Variants in MAGOHB observed in about 807,000 individuals in gnomAD.
MAGOHB encodes the protein protein mago nashi homolog 2.
Under a neutral mutation model 20.9 loss-of-function variants are expected in MAGOHB, and 15 were observed. The observed-to-expected ratio is 0.72, with a 90% CI of 0.48 to 1.11. The LOEUF (loss-of-function observed/expected upper bound fraction) is 1.11, where lower values mean the gene tolerates loss of function less well. MAGOHB is among the 50% of genes least tolerant of loss of function. The probability of loss-of-function intolerance (pLI) is 0.00; values close to 1 mark genes in which losing one functional copy is unlikely to be tolerated. For synonymous variants in MAGOHB, 50 were observed against 57.9 expected, an observed-to-expected ratio of 0.86 and a Z score of 0.62; for missense variants, 162 against 177.6, an observed-to-expected ratio of 0.91 and a Z score of 0.50.
intron 1 of MAGOHB, among the ~76,000 whole-genome samples, chr12:10,612,191 ATAACATAACATAAC>A (rs1279000502): frequency 1.7e-4 from 2 of 11,724 alleles, no homozygotes; most frequent in Non-Finnish European, 5.5e-4. Flanking sequence ...TCTACAAAAA[ATAACATAACATAAC>A]ATAACATAAC....
At chr12:10,612,512 G>C (rs1364516069) in intron 1 of MAGOHB, 3 of 219,200 alleles carry the variant, frequency 1.4e-5, no homozygotes, top group African/African-American at 2.4e-5. Flanking sequence ...TTTTATTCTT[G>C]CTCTCACAGA....
Position 10,610,625 on chromosome 12 carries a change from T to C in MAGOHB, c.150A>G (p.Lys50=). ...SNYKNDVMIR[K]EAYVHKSVME... is the part of the protein sequence containing the mutation. Reference sequence around the variant, plus strand: ...AAGACATTCACATAGAACTTACCTCTTTTCTGATCATGACATCATTTTTGT... The same window carrying C: ...AAGACATTCACATAGAACTTACCTCCTTTCTGATCATGACATCATTTTTGT... The change falls in exon 2 of 5, where the codon AAA becomes AAG. Residue 50 remains lysine (K), a synonymous_variant. Transcript: ENST00000320756. 1 of 1,548,280 alleles carries C rather than the reference T, an allele frequency of 6.5e-7. No homozygotes were observed. The highest frequency in any genetic ancestry group is 2.4e-5 in the East Asian group (1 of 41,250).
At chr12:10,600,265 G>T (rs535574564), downstream of MAGOHB, among the ~76,000 whole-genome samples, 1 of 151,526 alleles carries the variant, frequency 6.6e-6, no homozygotes, top group South Asian at 2.1e-4. Flanking sequence ...TTATTTCAAA[G>T]AAATTCATCT....
intron 1 of MAGOHB, among the ~76,000 whole-genome samples, chr12:10,612,269 T>G (rs73259912): frequency 6.6e-6 from 1 of 151,462 alleles, no homozygotes; most frequent in South Asian, 2.1e-4. Flanking sequence ...TGAGGTGGCG[T>G]GGGCCTGTAT....
chr12:10,608,093 A>G (rs1488490451), intron 3 of MAGOHB, 157 bp from the exon 4 acceptor site: 7 of 543,242 alleles, frequency 1.3e-5, no homozygotes, highest in Non-Finnish European at 1.9e-5. Context: ...TTTCTTAGAT[A>G]TAAACTATAT....
intron 1 of MAGOHB, 86 bp downstream of exon 1, chr12:10,613,353 C>A: frequency 8.6e-7 from 1 of 1,166,482 alleles, no homozygotes; most frequent in Non-Finnish European, 1.3e-6. Context: ...GAAGCAGTGG[C>A]CTCCGCCGCC....
chr12:10,609,707 C>T, intron 3 of MAGOHB, 124 bp downstream of exon 3: 1 of 636,248 alleles, frequency 1.6e-6, no homozygotes, highest in Non-Finnish European at 2.7e-6. Flanking sequence ...AGAGAATTTA[C>T]CAGGTGCCTA....
At chr12:10,612,782 C>A in intron 1 of MAGOHB, 1 of 1,265,630 alleles carries the variant, frequency 7.9e-7, no homozygotes, top group Non-Finnish European at 1.0e-6. Flanking sequence ...TCAGAAAACA[C>A]ACTGTTGCAC....
At chr12:10,610,524 C>CTTCTTCT (rs1865706727) in intron 2 of MAGOHB, 98 bp downstream of exon 2, 5 of 1,319,810 alleles carry the variant, frequency 3.8e-6, no homozygotes, top group Non-Finnish European at 5.0e-6. Flanking sequence ...ACAATATAGC[C>CTTCTTCT]TTAGATGTAC....
chr12:10,609,953 T>A lies in MAGOHB; in HGVS notation c.154-12A>T. On this transcript the variant is annotated splice_polypyrimidine_tract_variant and intron_variant, in intron 2 of 4. Coordinates refer to ENST00000320756, the MANE Select transcript of MAGOHB (RefSeq NM_018048.5). Reference sequence around the variant, plus strand: ...TTGTGCACATAAGCCTAAAAATTAATCATAATAAAATGAGATAATGCCCAC... The same window carrying A: ...TTGTGCACATAAGCCTAAAAATTAAACATAATAAAATGAGATAATGCCCAC... The A allele has an allele frequency of 6.6e-7, 1 of 1,516,638 alleles. No homozygotes were observed. Among genetic ancestry groups the A allele is most frequent in the Non-Finnish European group, 9.0e-7 (1 of 1,106,098 alleles). The allele number at this position is 1,516,638 out of a possible 1,614,324, so 93.9% of individuals were successfully genotyped here.
At chr12:10,613,254 AT>A (rs962816953) in intron 1 of MAGOHB, among the ~76,000 whole-genome samples, 184 bp downstream of exon 1, 28 of 152,306 alleles carry the variant, frequency 1.8e-4, no homozygotes, top group African/African-American at 6.7e-4. Flanking sequence ...TTGTGACAGG[AT>A]TAGCTTTAAT....
rs543165834 is a variant in MAGOHB, at chr12:10,604,431, A to G, written c.*1844T>C. On this transcript the variant is annotated 3_prime_UTR_variant, in exon 5 of 5. Transcript: ENST00000320756. ...GTTTAAATATGAGAAATTCTAGTAG[A>G]TAGTGGGGATAGAGCTAAATAAACG... 6.6e-6 allele frequency: 1 copy of G among 152,220 alleles called. No individual in the cohort carries two copies. The highest frequency in any genetic ancestry group is 6.5e-5 in the Admixed American group (1 of 15,282). The allele number at this position is 152,220 out of a possible 1,614,324, so 9.4% of individuals were successfully genotyped here. A position where few individuals can be genotyped will look rare whatever the true frequency, so the allele number is the denominator to read the frequency against.
At chr12:10,612,791 A>G in intron 1 of MAGOHB, 1 of 1,283,276 alleles carries the variant, frequency 7.8e-7, no homozygotes, top group Non-Finnish European at 1.0e-6. Flanking sequence ...ACACTGTTGC[A>G]CACTACTTGG....
intron 1 of MAGOHB, among the ~76,000 whole-genome samples, chr12:10,611,807 T>A (rs1163276690): frequency 7.3e-6 from 1 of 136,956 alleles, no homozygotes; most frequent in East Asian, 2.2e-4. Context: ...AGGCTCAATA[T>A]CACCAATGGA....
Position 10,605,019 on chromosome 12 carries a change from T to C in MAGOHB, c.*1256A>G, listed in dbSNP as rs971882889. 1 of 152,188 alleles carries C rather than the reference T, an allele frequency of 6.6e-6. No homozygotes were observed. Among genetic ancestry groups the C allele is most frequent in the African/African-American group, 2.4e-5 (1 of 41,442 alleles). The allele number at this position is 152,188 out of a possible 1,614,324, so 9.4% of individuals were successfully genotyped here. ...AGTGAAAAACCAAGATTTATTATAA[T>C]AGAGATATTACAGTAAAAAAGATGT... On this transcript the variant is annotated 3_prime_UTR_variant, in exon 5 of 5. Coordinates refer to ENST00000320756, the MANE Select transcript of MAGOHB (RefSeq NM_018048.5).
chr12:10,600,872 G>A (rs537430541), downstream of MAGOHB, among the ~76,000 whole-genome samples: 1 of 152,242 alleles, frequency 6.6e-6, no homozygotes, highest in African/African-American at 2.4e-5. Flanking sequence ...AGAACAGCAG[G>A]CGAAATTGCT....
downstream of MAGOHB, among the ~76,000 whole-genome samples, chr12:10,599,944 T>C (rs7976533): frequency 0.12 from 17,588 of 152,146 alleles, 3,370 homozygotes; most frequent in African/African-American, 0.4. Flanking sequence ...GAAATGTCTA[T>C]GTATAAAAAT....
At chr12:10,602,440 G>C (rs1396821355), downstream of MAGOHB, among the ~76,000 whole-genome samples, 1 of 152,108 alleles carries the variant, frequency 6.6e-6, no homozygotes, top group Non-Finnish European at 1.5e-5. Flanking sequence ...TGCTGGAAAA[G>C]GCAAATTTCT....
intron 3 of MAGOHB, chr12:10,608,174 C>T (rs1458729537): frequency 3.0e-6 from 1 of 333,478 alleles, no homozygotes; most frequent in Non-Finnish European, 5.4e-6. Context: ...TTTCCAGAGA[C>T]ATAAAGAAGA....
Sources: allele counts gnomAD v4.1 joint callset (sites outside exome capture counted in the v4.1 genomes callset), GRCh38; gene constraint gnomAD v4.1.1; transcripts MANE v1.5; gene names NCBI Gene and HGNC (gene_info 2026-07-23, HGNC 2026-07-21).